Variants in GRK4 observed in about 807,000 individuals in gnomAD.
The protein encoded by GRK4 is G protein-coupled receptor kinase 2-like.
GRK4 carries 73 observed loss-of-function variants against 77.9 expected under a neutral mutation model. That is an observed-to-expected ratio of 0.94 (90% CI 0.78 to 1.14). The LOEUF (loss-of-function observed/expected upper bound fraction) is 1.14. Ranked by LOEUF, GRK4 falls within the 50% of genes most tolerant of loss-of-function variation. GRK4 has a pLI of 0.00. For synonymous variants in GRK4, 257 were observed against 254.4 expected, an observed-to-expected ratio of 1.01 and a Z score of -0.10; for missense variants, 729 against 700.2, an observed-to-expected ratio of 1.04 and a Z score of -0.46.
intron 1 of GRK4, among the ~76,000 whole-genome samples, chr4:2,982,490 C>T (rs1158934951): frequency 1.3e-5 from 2 of 152,206 alleles, no homozygotes; most frequent in Non-Finnish European, 2.9e-5. Context: ...TTGTTCTCTG[C>T]TCAATGATTC....
rs570011807 is a variant in GRK4 at position 3,037,410 on chromosome 4, G to T, written c.1444G>T (p.Glu482Ter). The change falls in exon 14 of 16, where the codon GAG becomes TAG. Residue 482 changes from glutamate (E) to a stop codon, truncating the protein, a stop_gained. Transcript: ENST00000398052. LOFTEE classifies it high-confidence loss of function. ...AVYCKDVLDI[E>*]QFSVVKGIYL... is the part of the protein sequence containing the mutation. ...TTACTGTAAGGACGTCCTGGATATC[G>T]AGCAGTTCTCGGTGGTGAAAGGGAT... 1 of 1,609,626 alleles carries T rather than the reference G, an allele frequency of 6.2e-7. No individual in the cohort carries two copies. Among genetic ancestry groups the T allele is most frequent in the African/African-American group, 1.3e-5 (1 of 74,910 alleles).
intron 2 of GRK4, chr4:2,987,192 C>A (rs572130101): frequency 7.1e-5 from 36 of 503,956 alleles, no homozygotes; most frequent in African/African-American, 5.6e-4. Flanking sequence ...CCAGACATTT[C>A]ATATAAATGG....
At chr4:3,015,804 T>G (rs949801609) in intron 8 of GRK4, among the ~76,000 whole-genome samples, 1 of 151,940 alleles carries the variant, frequency 6.6e-6, no homozygotes, top group South Asian at 2.1e-4. Flanking sequence ...CTGGGCTTGG[T>G]GGCTCATGCC....
chr4:3,037,641 G>A, intron 14 of GRK4, 130 bp downstream of exon 14: 1 of 1,089,958 alleles, frequency 9.2e-7, no homozygotes, highest in Middle Eastern at 3.6e-4. Context: ...AGACGGCTGG[G>A]CGCAGTGGCT....
chr4:3,021,288 T>A lies in GRK4; in HGVS notation c.933-1126T>A, dbSNP rs1736003599. Among the ~76,000 whole-genome samples, 3 of 152,150 alleles carry A rather than the reference T, an allele frequency of 2.0e-5. No homozygotes were observed. In the South Asian group the frequency reaches 6.2e-4, roughly 32 times the overall value. On this transcript the variant is annotated intron_variant, in intron 9 of 15. Coordinates refer to ENST00000398052, the MANE Select transcript of GRK4 (RefSeq NM_182982.3). ...TCCACCCAGCCCCTCTTCCTGTCAT[T>A]CTGAGAGACTCCTGCTCATCCGCCC...
chr4:3,007,494 T>C (rs1046630902), intron 5 of GRK4, among the ~76,000 whole-genome samples: 4 of 152,184 alleles, frequency 2.6e-5, no homozygotes, highest in African/African-American at 9.7e-5. Context: ...GCTGACACCC[T>C]CACTCCCAAG....
At chr4:2,968,175 A>G (rs1282706178) in intron 1 of GRK4, among the ~76,000 whole-genome samples, 2 of 152,156 alleles carry the variant, frequency 1.3e-5, no homozygotes, top group Non-Finnish European at 2.9e-5. Flanking sequence ...GCTTTAAATA[A>G]GCTTAAATTA....
chr4:2,963,606 T>A lies in GRK4; in HGVS notation c.-465T>A. 2 of 428,534 alleles carry A rather than the reference T, an allele frequency of 4.7e-6. No homozygotes were observed. The highest frequency in any genetic ancestry group is 4.6e-5 in the Admixed American group (1 of 21,652). 26.5% of individuals were successfully genotyped at this position (428,534 alleles called of 1,614,324 possible). A position where few individuals can be genotyped will look rare whatever the true frequency, so the allele number is the denominator to read the frequency against. On this transcript the variant is annotated 5_prime_UTR_variant, in exon 1 of 16. Coordinates refer to ENST00000398052, the MANE Select transcript of GRK4 (RefSeq NM_182982.3). ...GGCCGCGGCGGCGAGGGGCGCTCCC[T>A]CTTCAGCTAAGCCGTTAGCGCCGAG...
At chr4:2,996,517 T>C (rs1311147946) in intron 4 of GRK4, among the ~76,000 whole-genome samples, 2 of 151,802 alleles carry the variant, frequency 1.3e-5, no homozygotes, top group African/African-American at 4.8e-5. Context: ...TTCGCGCCAC[T>C]GCACTCCTGC....
chr4:3,015,492 A>T (rs1359523421), intron 8 of GRK4, among the ~76,000 whole-genome samples: 1 of 151,828 alleles, frequency 6.6e-6, no homozygotes, highest in African/African-American at 2.4e-5. Flanking sequence ...TGGCTAACAC[A>T]GTGAAACCCC....
At chr4:3,035,644 G>A in intron 13 of GRK4, 121 bp downstream of exon 13, 1 of 1,135,546 alleles carries the variant, frequency 8.8e-7, no homozygotes. Flanking sequence ...GGCTGGTCTT[G>A]CACTCCTGGC....
At chr4:2,968,706 C>T (rs1205193699) in intron 1 of GRK4, among the ~76,000 whole-genome samples, 1 of 152,076 alleles carries the variant, frequency 6.6e-6, no homozygotes, top group African/African-American at 2.4e-5. Flanking sequence ...GCAGTGAGTG[C>T]CACGGGAGAC....
At chr4:2,976,431 G>A (rs1208405293) in intron 1 of GRK4, among the ~76,000 whole-genome samples, 1 of 151,160 alleles carries the variant, frequency 6.6e-6, no homozygotes, top group African/African-American at 2.4e-5. Flanking sequence ...TCAGTATGTT[G>A]CCCAGGCTGC....
At chr4:3,037,044 G>GGTGTGT (rs1271637092) in intron 13 of GRK4, among the ~76,000 whole-genome samples, 24,680 of 143,994 alleles carry the variant, frequency 0.17, 2,817 homozygotes, top group African/African-American at 0.34. Flanking sequence ...CCTCAGGAGG[G>GGTGTGT]GTGTGTGTGT....
At chr4:2,976,182 TTCTC>T (rs1459461390) in intron 1 of GRK4, among the ~76,000 whole-genome samples, 2 of 152,046 alleles carry the variant, frequency 1.3e-5, no homozygotes, top group Non-Finnish European at 2.9e-5. Context: ...TTCTTTCTCT[TTCTC>T]TCTTTCTTTC....
chr4:3,026,083 GGA>G (rs1212587312), intron 10 of GRK4, among the ~76,000 whole-genome samples: 1 of 152,230 alleles, frequency 6.6e-6, no homozygotes, highest in African/African-American at 2.4e-5. Context: ...GTGCCGCGAT[GGA>G]GAGCCTTGGG....
intron 4 of GRK4, among the ~76,000 whole-genome samples, chr4:2,998,623 A>G (rs1560415448): frequency 6.6e-6 from 1 of 152,180 alleles, no homozygotes; most frequent in African/African-American, 2.4e-5. Flanking sequence ...TAGTATCAAA[A>G]AAGAATAAAA....
intron 4 of GRK4, among the ~76,000 whole-genome samples, chr4:3,002,583 A>G (rs555311533): frequency 7.9e-5 from 12 of 152,286 alleles, no homozygotes; most frequent in African/African-American, 2.9e-4. Flanking sequence ...GGGCACCTGT[A>G]ATCCCAGCTG....
chr4:2,997,550 G>A (rs113221793), intron 4 of GRK4, among the ~76,000 whole-genome samples: 2 of 152,184 alleles, frequency 1.3e-5, no homozygotes, highest in Admixed American at 6.5e-5. Context: ...AGAGAGAGAC[G>A]TTTATGGGCT....
Sources: allele counts gnomAD v4.1 joint callset (sites outside exome capture counted in the v4.1 genomes callset), GRCh38; gene constraint gnomAD v4.1.1; transcripts MANE v1.5; gene names NCBI Gene and HGNC (gene_info 2026-07-23, HGNC 2026-07-21).